KCMF1: variants seen among roughly 807,000 people sequenced by gnomAD.
KCMF1 encodes E3 ubiquitin-protein ligase KCMF1.
A neutral mutation model predicts 41.1 loss-of-function variants in KCMF1; 3 were observed. That is an observed-to-expected ratio of 0.07 (90% CI 0.03 to 0.19). The LOEUF is 0.19. Among genes scored for constraint, KCMF1 ranks in the 10% least tolerant of loss-of-function variants. The probability of loss-of-function intolerance (pLI) is 1.00; values close to 1 mark genes in which losing one functional copy is unlikely to be tolerated. For synonymous variants in KCMF1, 142 were observed against 164.5 expected (o/e 0.86, Z 1.04); for missense variants, 286 against 488.9 (o/e 0.58, Z 3.91).
At chr2:84,995,008 C>G (rs964985479) in intron 1 of KCMF1, among the ~76,000 whole-genome samples, 5 of 151,608 alleles carry the variant, frequency 3.3e-5, no homozygotes, top group African/African-American at 1.2e-4. Context: ...GAGCCTTTTT[C>G]GAAATTTAAA....
intron 5 of KCMF1, 51 bp downstream of exon 5, chr2:85,046,329 C>G (rs1456215716): frequency 1.4e-6 from 2 of 1,467,108 alleles, no homozygotes; most frequent in East Asian, 2.3e-5. Context: ...GGAGGAGCTC[C>G]TTTTAAAACT....
rs974824399 is a variant in KCMF1, at chr2:85,056,092, A to G, written c.*2683A>G. On this transcript the variant is annotated 3_prime_UTR_variant, in exon 7 of 7. Transcript: ENST00000409785. ...TGGTTGGCTACCGTGAAATCTTTGT[A>G]TTTATATTGCATTGTTTTGTTAAAA... The G allele has an allele frequency of 2.6e-5, 4 of 150,968 alleles. No homozygotes were observed. Among genetic ancestry groups the G allele is most frequent in the African/African-American group, 7.4e-5 (3 of 40,780 alleles). The allele number at this position is 150,968 out of a possible 1,614,324, so 9.4% of individuals were successfully genotyped here. A position where few individuals can be genotyped will look rare whatever the true frequency, so the allele number is the denominator to read the frequency against.
chr2:85,035,577 C>T (rs1675386518), intron 3 of KCMF1, among the ~76,000 whole-genome samples: 1 of 152,322 alleles, frequency 6.6e-6, no homozygotes, highest in East Asian at 1.9e-4. Context: ...TGTCACATCT[C>T]ATTGTAGCAT....
chr2:85,032,407 G>A (rs1360766652), intron 2 of KCMF1, among the ~76,000 whole-genome samples: 4 of 148,266 alleles, frequency 2.7e-5, no homozygotes, highest in South Asian at 2.1e-4. Flanking sequence ...ACAGAGTTTC[G>A]CTCTTGTCAC....
intron 1 of KCMF1, among the ~76,000 whole-genome samples, chr2:84,988,063 A>C (rs1278933383): frequency 6.6e-6 from 1 of 152,108 alleles, no homozygotes; most frequent in Non-Finnish European, 1.5e-5. Flanking sequence ...TCTACTAAAA[A>C]AAAATAAATA....
intron 1 of KCMF1, among the ~76,000 whole-genome samples, chr2:84,992,622 G>GT (rs1559127856): frequency 6.6e-6 from 1 of 151,048 alleles, no homozygotes; most frequent in Non-Finnish European, 1.5e-5. Context: ...ATTTATATGT[G>GT]GTTTTTTTTT....
intron 1 of KCMF1, among the ~76,000 whole-genome samples, chr2:84,991,550 G>T (rs886569862): frequency 2.0e-5 from 3 of 152,150 alleles, no homozygotes; most frequent in African/African-American, 7.2e-5. Flanking sequence ...TCCCACAGTT[G>T]CAGGAGAGTG....
intron 1 of KCMF1, among the ~76,000 whole-genome samples, chr2:85,020,134 T>C (rs369126506): frequency 6.6e-6 from 1 of 151,912 alleles, no homozygotes; most frequent in African/African-American, 2.4e-5. Context: ...AAGATAAGAG[T>C]GTCAGTATCA....
chr2:85,008,312 T>TATATAATATGATATATA, intron 1 of KCMF1, among the ~76,000 whole-genome samples: 1 of 18,108 alleles, frequency 5.5e-5, no homozygotes, highest in African/African-American at 8.9e-5. Flanking sequence ...TATAATATGA[T>TATATAATATGATATATA]ATATATATCA....
intron 3 of KCMF1, among the ~76,000 whole-genome samples, chr2:85,035,566 T>G (rs975409773): frequency 9.2e-5 from 14 of 152,198 alleles, no homozygotes; most frequent in African/African-American, 3.4e-4. Context: ...TAATAATCCA[T>G]TGTCACATCT....
chr2:85,044,406 G>T (rs1675614262), intron 4 of KCMF1, among the ~76,000 whole-genome samples: 1 of 151,626 alleles, frequency 6.6e-6, no homozygotes, highest in Non-Finnish European at 1.5e-5. Context: ...TCGGAGTCTT[G>T]CTCTGTCAGC....
At chr2:85,047,979 G>A (rs1404653703) in intron 5 of KCMF1, among the ~76,000 whole-genome samples, 1 of 152,164 alleles carries the variant, frequency 6.6e-6, no homozygotes, top group Non-Finnish European at 1.5e-5. Context: ...AGAGAGAGGA[G>A]CAGAAAGATA....
chr2:85,014,720 C>CGTGT (rs1305233928), intron 1 of KCMF1, among the ~76,000 whole-genome samples: 2 of 141,760 alleles, frequency 1.4e-5, no homozygotes, highest in African/African-American at 2.8e-5. Context: ...TGCGTGCGTG[C>CGTGT]GTGCGTGTGT....
chr2:84,991,203 A>G (rs192568638), intron 1 of KCMF1, among the ~76,000 whole-genome samples: 2 of 152,270 alleles, frequency 1.3e-5, no homozygotes, highest in African/African-American at 4.8e-5. Context: ...CAGCTCAGTC[A>G]TCTCTGTGAA....
At chr2:84,972,451 G>T (rs774873808) in intron 1 of KCMF1, among the ~76,000 whole-genome samples, 3 of 152,166 alleles carry the variant, frequency 2.0e-5, no homozygotes, top group Non-Finnish European at 2.9e-5. Flanking sequence ...GGAGGAGGGG[G>T]TTGTGTTTTC....
intron 5 of KCMF1, 69 bp from the exon 6 acceptor site, chr2:85,049,295 AAG>A (rs1675747731): frequency 2.7e-6 from 4 of 1,472,856 alleles, no homozygotes; most frequent in Non-Finnish European, 1.9e-6. Flanking sequence ...GTTCCAGTAA[AAG>A]AGTGATCTGT....
intron 4 of KCMF1, among the ~76,000 whole-genome samples, chr2:85,043,981 A>C (rs931339796): frequency 6.6e-6 from 1 of 152,110 alleles, no homozygotes. Flanking sequence ...TTCTCTTTTT[A>C]TATACTATCA....
intron 3 of KCMF1, among the ~76,000 whole-genome samples, chr2:85,036,495 A>G (rs1357488798): frequency 6.6e-6 from 1 of 152,142 alleles, no homozygotes; most frequent in Non-Finnish European, 1.5e-5. Context: ...TAAATTAGGC[A>G]TCCTTAAAAT....
intron 5 of KCMF1, among the ~76,000 whole-genome samples, chr2:85,046,699 T>C (rs1675675031): frequency 6.6e-6 from 1 of 152,136 alleles, no homozygotes; most frequent in Non-Finnish European, 1.5e-5. Context: ...ATAAGCCATG[T>C]TCCTTCACAA....
Sources: gnomAD v4.1 joint callset for allele counts (sites outside exome capture counted in the v4.1 genomes callset) on GRCh38, gnomAD v4.1.1 for gene constraint, MANE v1.5 for transcripts, NCBI Gene and HGNC (gene_info 2026-07-23, HGNC 2026-07-21) for gene names.